The following GFRA2 variants were observed in gnomAD, a reference collection of about 807,000 sequenced individuals.
GFRA2 encodes GDNF family receptor alpha-2.
GFRA2 carries 17 observed loss-of-function variants against 48.3 expected under a neutral mutation model. The observed-to-expected ratio is 0.35, with a 90% CI of 0.24 to 0.53. The LOEUF (loss-of-function observed/expected upper bound fraction) is 0.53, where lower values mean the gene tolerates loss of function less well. Ranked by LOEUF, GFRA2 falls within the 20% of genes least tolerant of loss-of-function variation. GFRA2 has a pLI of 0.93. For synonymous variants in GFRA2, 305 were observed against 257.2 expected, an observed-to-expected ratio of 1.19 and a Z score of -1.78; for missense variants, 660 against 637.3, an observed-to-expected ratio of 1.04 and a Z score of -0.38.
chr8:21,788,207 A>G lies in GFRA2; in HGVS notation c.-48T>C. On this transcript the variant is annotated 5_prime_UTR_variant, in exon 1 of 9. Coordinates refer to ENST00000524240, the MANE Select transcript of GFRA2 (RefSeq NM_001495.5). The stretch of plus-strand genomic sequence containing the variant: ...TTTGTCTTTCTCCCTTGGGTAAAAA[A>G]AAATAATAGTAGTAACAACAACAAT... The G allele has an allele frequency of 1.3e-6, 2 of 1,594,038 alleles. No homozygotes were observed. Among genetic ancestry groups the G allele is most frequent in the South Asian group, 2.3e-5 (2 of 87,450 alleles).
At chr8:21,694,415 C>A (rs764150604) in intron 8 of GFRA2, 49 bp downstream of exon 8, 1 of 1,553,126 alleles carries the variant, frequency 6.4e-7, no homozygotes, top group South Asian at 1.1e-5. Flanking sequence ...AATGCCGCCC[C>A]CCACCGGCCC....
intron 1 of GFRA2, among the ~76,000 whole-genome samples, chr8:21,787,237 G>A (rs1807319323): frequency 7.5e-6 from 1 of 133,636 alleles, no homozygotes; most frequent in African/African-American, 2.9e-5. Context: ...GCGCCAGGCA[G>A]CCTCTCCTCC....
chr8:21,702,473 G>A (rs991225562), intron 7 of GFRA2, among the ~76,000 whole-genome samples: 2 of 152,194 alleles, frequency 1.3e-5, no homozygotes, highest in African/African-American at 2.4e-5. Flanking sequence ...CTAGGAGCCT[G>A]CTGCCCCACT....
At chr8:21,701,494 T>G (rs1405082713) in intron 7 of GFRA2, among the ~76,000 whole-genome samples, 1 of 152,178 alleles carries the variant, frequency 6.6e-6, no homozygotes, top group Non-Finnish European at 1.5e-5. Context: ...GTGGTAGAGG[T>G]TGGACCCCTT....
intron 4 of GFRA2, among the ~76,000 whole-genome samples, chr8:21,740,403 C>T (rs1178311247): frequency 6.6e-6 from 1 of 152,204 alleles, no homozygotes; most frequent in African/African-American, 2.4e-5. Context: ...TCCGTAATCA[C>T]CAATCCATCA....
chr8:21,744,754 G>A (rs916555270), intron 4 of GFRA2, among the ~76,000 whole-genome samples: 37 of 152,164 alleles, frequency 2.4e-4, no homozygotes, highest in African/African-American at 8.2e-4. Context: ...CTTATCAGAA[G>A]GCTTTTAAAG....
At chr8:21,731,909 G>A (rs964203095) in intron 4 of GFRA2, among the ~76,000 whole-genome samples, 12 of 152,210 alleles carry the variant, frequency 7.9e-5, no homozygotes, top group Admixed American at 3.3e-4. Context: ...AAGGCATGGC[G>A]TACACCATCT....
At position 21,693,344 on chromosome 8, in the gene GFRA2, G is replaced by A. The variant is rs762310504; in HGVS notation, c.1329C>T (p.Pro443=). 6.2e-7 allele frequency: 1 copy of A among 1,613,386 alleles called. No homozygotes were observed. Among genetic ancestry groups the A allele is most frequent in the Non-Finnish European group, 8.5e-7 (1 of 1,179,586 alleles). ...AGGCAGCCGACGGTCTGGCTCTGCT[G>A]GGGCCTGAGTTAGGTTTGATCACCT... ...SNKVIKPNSG[P]SRARPSAALT... The change falls in exon 9 of 9, where the codon CCC becomes CCT. Residue 443 remains proline (P), a synonymous_variant. Transcript: ENST00000524240.
chr8:21,699,747 C>T (rs561473739), intron 7 of GFRA2, among the ~76,000 whole-genome samples: 24 of 152,346 alleles, frequency 1.6e-4, no homozygotes, highest in South Asian at 4.1e-4. Context: ...AAGAGAGCTG[C>T]GGGCACTGAA....
At chr8:21,764,446 G>A (rs1383067385) in intron 3 of GFRA2, among the ~76,000 whole-genome samples, 1 of 152,200 alleles carries the variant, frequency 6.6e-6, no homozygotes, top group Non-Finnish European at 1.5e-5. Context: ...CTATAAATTT[G>A]TTGGGCAGCA....
At chr8:21,749,908 G>A (rs1805194796) in intron 4 of GFRA2, among the ~76,000 whole-genome samples, 1 of 152,098 alleles carries the variant, frequency 6.6e-6, no homozygotes, top group Non-Finnish European at 1.5e-5. Flanking sequence ...AACGTTAGAT[G>A]ACATAACGTA....
intron 3 of GFRA2, among the ~76,000 whole-genome samples, chr8:21,763,604 C>CA (rs1806013446): frequency 6.6e-6 from 1 of 152,090 alleles, no homozygotes; most frequent in Non-Finnish European, 1.5e-5. Flanking sequence ...CCTTGACCTT[C>CA]ATCAACATCC....
chr8:21,739,167 C>A (rs1447251926), intron 4 of GFRA2, among the ~76,000 whole-genome samples: 2 of 152,130 alleles, frequency 1.3e-5, no homozygotes, highest in Non-Finnish European at 2.9e-5. Context: ...ACAGTGATCT[C>A]CAAATTTCCC....
At chr8:21,756,806 G>T (rs1226755864) in intron 3 of GFRA2, among the ~76,000 whole-genome samples, 1 of 152,146 alleles carries the variant, frequency 6.6e-6, no homozygotes, top group African/African-American at 2.4e-5. Context: ...CCTGCACTGA[G>T]AGCTGAGACC....
chr8:21,731,188 T>C (rs1247658715), intron 4 of GFRA2, among the ~76,000 whole-genome samples: 1 of 152,152 alleles, frequency 6.6e-6, no homozygotes, highest in African/African-American at 2.4e-5. Context: ...AGCTTTAGCA[T>C]GACAGCCTCG....
chr8:21,716,236 C>A (rs1216703569), intron 4 of GFRA2, among the ~76,000 whole-genome samples: 2 of 151,868 alleles, frequency 1.3e-5, no homozygotes, highest in Non-Finnish European at 2.9e-5. Flanking sequence ...AGCAGGAGAA[C>A]CACTTCAATC....
intron 2 of GFRA2, among the ~76,000 whole-genome samples, chr8:21,782,250 G>A (rs1464331376): frequency 6.6e-5 from 10 of 151,378 alleles, no homozygotes; most frequent in African/African-American, 2.4e-4. Flanking sequence ...CTTGAATCAC[G>A]TGGTCTTGCT....
chr8:21,784,903 A>G (rs2117080957), intron 1 of GFRA2, among the ~76,000 whole-genome samples: 1 of 152,226 alleles, frequency 6.6e-6, no homozygotes, highest in East Asian at 1.9e-4. Context: ...GGACCCGCGT[A>G]CAGCCGGGCC....
At chr8:21,695,320 A>G (rs924370874) in intron 7 of GFRA2, among the ~76,000 whole-genome samples, 2 of 152,188 alleles carry the variant, frequency 1.3e-5, no homozygotes, top group Non-Finnish European at 2.9e-5. Context: ...GCTTCCATCC[A>G]GGATTCAAAT....
Sources: gnomAD v4.1 joint callset for allele counts (sites outside exome capture counted in the v4.1 genomes callset) on GRCh38, gnomAD v4.1.1 for gene constraint, MANE v1.5 for transcripts, NCBI Gene and HGNC (gene_info 2026-07-23, HGNC 2026-07-21) for gene names.